Variants in CPQ observed in about 807,000 individuals in gnomAD.
CPQ encodes the protein carboxypeptidase Q.
In CPQ, 37 loss-of-function variants were observed where a neutral mutation model predicts 45.7. The observed-to-expected ratio is 0.81, with a 90% CI of 0.62 to 1.07. The LOEUF (loss-of-function observed/expected upper bound fraction) is 1.07, where lower values mean the gene tolerates loss of function less well. CPQ is among the 50% of genes least tolerant of loss of function. CPQ has a pLI of 0.00. For missense variants in CPQ, 537 were observed against 572.9 expected (o/e 0.94, Z 0.64); for synonymous variants, 186 against 205.8 (o/e 0.90, Z 0.82).
At chr8:96,787,388 A>T (rs1038247791) in intron 2 of CPQ, among the ~76,000 whole-genome samples, 2 of 152,068 alleles carry the variant, frequency 1.3e-5, no homozygotes, top group Non-Finnish European at 2.9e-5. Flanking sequence ...ACCTTGCATT[A>T]CTGGGATAAA....
chr8:96,928,420 T>C (rs544101664), intron 4 of CPQ, among the ~76,000 whole-genome samples: 1 of 151,078 alleles, frequency 6.6e-6, no homozygotes, highest in East Asian at 1.9e-4. Flanking sequence ...TTGGTCCTGA[T>C]ATAAATGAGG....
In CPQ at chr8:96,647,507, A is replaced by G. The variant is rs1401221990; in HGVS notation, c.-35+2105A>G. Among the ~76,000 whole-genome samples the G allele has an allele frequency of 3.3e-5, 5 of 152,196 alleles. No individual in the cohort carries two copies. The East Asian group carries it at 9.6e-4, about 29-fold the overall frequency. On this transcript the variant is annotated intron_variant, in intron 1 of 7. Transcript: ENST00000220763. ...TCCTATTTGATCTTCTTAACTAGAAACAGTACATGGAAAATGGGAGAGTTA... is the reference window on the plus strand; with the variant it reads ...TCCTATTTGATCTTCTTAACTAGAAGCAGTACATGGAAAATGGGAGAGTTA...
intron 1 of CPQ, among the ~76,000 whole-genome samples, chr8:96,651,189 A>G (rs1478876386): frequency 6.6e-6 from 1 of 152,224 alleles, no homozygotes; most frequent in Admixed American, 6.5e-5. Context: ...CCTAACAGGT[A>G]TGCCATTGGA....
chr8:96,672,918 T>C (rs1231419033), intron 1 of CPQ, among the ~76,000 whole-genome samples: 1 of 152,132 alleles, frequency 6.6e-6, no homozygotes, highest in East Asian at 1.9e-4. Flanking sequence ...TGGTGAGGTT[T>C]GGGCTTCAAG....
chr8:96,719,758 C>T (rs889214178), intron 1 of CPQ, among the ~76,000 whole-genome samples: 4 of 152,170 alleles, frequency 2.6e-5, no homozygotes, highest in African/African-American at 9.7e-5. Context: ...GGAATGCACA[C>T]AAAGCATGTC....
At chr8:97,092,038 TGTACATAC>T (rs1274241009) in intron 7 of CPQ, among the ~76,000 whole-genome samples, 1 of 152,190 alleles carries the variant, frequency 6.6e-6, no homozygotes, top group African/African-American at 2.4e-5. Flanking sequence ...TTTGTATGTA[TGTACATAC>T]GTACATATGC....
chr8:96,717,716 C>T (rs1809701645), intron 1 of CPQ, among the ~76,000 whole-genome samples: 1 of 152,064 alleles, frequency 6.6e-6, no homozygotes, highest in Admixed American at 6.5e-5. Flanking sequence ...TACTAGGACA[C>T]ATGGAGGGGC....
Position 96,689,660 on chromosome 8 carries a change from G to A in CPQ, c.-35+44258G>A, listed in dbSNP as rs75410359. ...ATAAAATTTTTTCTTATTTCCTTGAGGACTTTTCTCTAGATGGGAAAAATT... is the reference window on the plus strand; with the variant it reads ...ATAAAATTTTTTCTTATTTCCTTGAAGACTTTTCTCTAGATGGGAAAAATT... On this transcript the variant is annotated intron_variant, in intron 1 of 7. Coordinates refer to ENST00000220763, the MANE Select transcript of CPQ (RefSeq NM_016134.4). Among the ~76,000 whole-genome samples the A allele has an allele frequency of 4.4e-3, 673 of 151,984 alleles. 3 individuals carry two copies. The highest frequency in any genetic ancestry group is 0.014 in the Middle Eastern group (4 of 294).
chr8:96,654,173 T>C (rs549340466), intron 1 of CPQ, among the ~76,000 whole-genome samples: 2 of 152,350 alleles, frequency 1.3e-5, no homozygotes, highest in East Asian at 3.9e-4. Flanking sequence ...CGTCAAGTTG[T>C]CTTCTGTCAA....
intron 7 of CPQ, chr8:97,092,497 G>A (rs956145829): frequency 1.3e-5 from 2 of 152,146 alleles, no homozygotes; most frequent in African/African-American, 4.8e-5. Context: ...GAACAGGTTA[G>A]AGAAGCCAGA....
chr8:96,866,615 T>A (rs1812000034), intron 3 of CPQ, among the ~76,000 whole-genome samples: 1 of 152,208 alleles, frequency 6.6e-6, no homozygotes, highest in African/African-American at 2.4e-5. Flanking sequence ...TAGTTTCCCT[T>A]TGATTACAGT....
At chr8:96,881,362 A>AG (rs767587689) in intron 4 of CPQ, among the ~76,000 whole-genome samples, 27 of 152,230 alleles carry the variant, frequency 1.8e-4, no homozygotes, top group Non-Finnish European at 2.9e-4. Flanking sequence ...GCAGGAGCAA[A>AG]GGGGAGGGGA....
intron 1 of CPQ, among the ~76,000 whole-genome samples, chr8:96,753,949 ATGATC>A (rs1234563756): frequency 1.3e-5 from 2 of 151,956 alleles, no homozygotes; most frequent in Admixed American, 1.3e-4. Flanking sequence ...ATTTTATCAA[ATGATC>A]TTTTGTTCTT....
intron 3 of CPQ, among the ~76,000 whole-genome samples, chr8:96,840,223 G>T (rs1375339989): frequency 6.6e-6 from 1 of 152,164 alleles, no homozygotes; most frequent in Non-Finnish European, 1.5e-5. Context: ...GATATATTTG[G>T]GTAAAACACA....
At chr8:97,082,557 C>G (rs1810968768) in intron 7 of CPQ, among the ~76,000 whole-genome samples, 1 of 152,098 alleles carries the variant, frequency 6.6e-6, no homozygotes, top group Non-Finnish European at 1.5e-5. Flanking sequence ...CAGTAAGATC[C>G]CAAGAGCAAG....
At chr8:96,906,106 G>A (rs750451758) in intron 4 of CPQ, among the ~76,000 whole-genome samples, 158 of 152,114 alleles carry the variant, frequency 1.0e-3, no homozygotes, top group Non-Finnish European at 1.6e-3. Flanking sequence ...GTATGGAGGG[G>A]GCATCTGGGC....
chr8:96,945,683 TATAAA>T (rs138633851), intron 4 of CPQ, among the ~76,000 whole-genome samples: 3,615 of 152,280 alleles, frequency 0.024, 95 homozygotes, highest in African/African-American at 0.066. Flanking sequence ...AACATATTTC[TATAAA>T]ATAATCTGTT....
At chr8:97,053,863 G>C (rs1292599807) in intron 6 of CPQ, among the ~76,000 whole-genome samples, 1 of 152,190 alleles carries the variant, frequency 6.6e-6, no homozygotes, top group Non-Finnish European at 1.5e-5. Flanking sequence ...GGCATAGCAA[G>C]TTGTCAGGCT....
chr8:96,754,597 T>A (rs1359401642), intron 1 of CPQ, among the ~76,000 whole-genome samples: 1 of 152,040 alleles, frequency 6.6e-6, no homozygotes, highest in Non-Finnish European at 1.5e-5. Flanking sequence ...ATTTGCTAAA[T>A]TTTCCATGGC....
Sources: gnomAD v4.1 joint callset for allele counts (sites outside exome capture counted in the v4.1 genomes callset) on GRCh38, gnomAD v4.1.1 for gene constraint, MANE v1.5 for transcripts, NCBI Gene and HGNC (gene_info 2026-07-23, HGNC 2026-07-21) for gene names.